NLRP1: variants seen among roughly 807,000 people sequenced by gnomAD.
NLRP1 encodes NLR family pyrin domain containing 1, also known as NACHT, LRR and PYD domains-containing protein 1.
A neutral mutation model predicts 136.7 loss-of-function variants in NLRP1; 94 were observed. The observed-to-expected ratio is 0.69, with a 90% CI of 0.58 to 0.82. NLRP1 has a LOEUF of 0.82. NLRP1 is among the 40% of genes least tolerant of loss of function. NLRP1 has a pLI of 0.00. For missense variants in NLRP1, 1,575 were observed against 1,802.7 expected, an observed-to-expected ratio of 0.87 and a Z score of 2.29; for synonymous variants, 690 against 725.1, an observed-to-expected ratio of 0.95 and a Z score of 0.78.
Position 5,583,824 on chromosome 17 carries a change from G to T in NLRP1, c.134C>A (p.Pro45Gln). ...CACCTCCATGCCACTCGTCTTCTCT[G>T]GCTGAGCGGGTGTCTCACCCGAAGA... ...RSSSGETPAQ[P>Q]EKTSGMEVAS... The change falls in exon 1 of 17, where the codon CCA becomes CAA. Residue 45 changes from proline (P) to glutamine (Q), a missense_variant. Physicochemically the swap from Pro to Gln is moderately conservative, Grantham distance 76. Coordinates refer to ENST00000572272, the MANE Select transcript of NLRP1 (RefSeq NM_033004.4). This position sits in a 1 kb window ranked among gnomAD's most constrained non-coding sequence, Gnocchi z 4.5. The T allele has an allele frequency of 6.4e-7, 1 of 1,563,976 alleles. No homozygotes were observed. Among genetic ancestry groups the T allele is most frequent in the Non-Finnish European group, 8.7e-7 (1 of 1,152,834 alleles).
intron 12 of NLRP1, among the ~76,000 whole-genome samples, chr17:5,524,792 T>G (rs933855235): frequency 2.0e-5 from 3 of 152,200 alleles, no homozygotes; most frequent in African/African-American, 7.2e-5. Context: ...GCCACTTGAA[T>G]TTTTGCTGAA....
chr17:5,537,081 AGGGTACAGT>A lies in NLRP1; in HGVS notation c.2871-150_2871-142del. The A allele has an allele frequency of 1.6e-6, 1 of 636,722 alleles. No homozygotes were observed. The highest frequency in any genetic ancestry group is 2.9e-6 in the Non-Finnish European group (1 of 349,336). The allele number at this position is 636,722 out of a possible 1,614,324, so 39.4% of individuals were successfully genotyped here. A position where few individuals can be genotyped will look rare whatever the true frequency, so the allele number is the denominator to read the frequency against. ...CCCTGGAAGCCAGGCTCTGAGGAGG[AGGGTACAGT>A]GAGGAGATTCATTAGGGTGTGTTCT... On this transcript the variant is annotated intron_variant, in intron 7 of 16. Coordinates refer to ENST00000572272, the MANE Select transcript of NLRP1 (RefSeq NM_033004.4). This position sits in a 1 kb window ranked among gnomAD's most constrained non-coding sequence, Gnocchi z 4.5.
chr17:5,532,947 C>G lies in NLRP1; in HGVS notation c.3171G>C (p.Leu1057Phe). Residue 1057 changes from leucine to phenylalanine, a missense_variant, in exon 11 of 17, where the codon TTG becomes TTC. Coordinates refer to ENST00000572272, the MANE Select transcript of NLRP1 (RefSeq NM_033004.4). ...CTTGAGAGGCAGGAGAAGGCACGCA[C>G]AAGAGTTCCACCGGTACTACCTCTG... ...SSPEVVPVEL[L>F]CVPSPASQGD... 2 of 1,613,962 alleles carry G rather than the reference C, an allele frequency of 1.2e-6. No homozygotes were observed. Among genetic ancestry groups the G allele is most frequent in the Non-Finnish European group, 1.7e-6 (2 of 1,179,908 alleles).
chr17:5,540,769 C>G (rs1443673804), intron 6 of NLRP1, among the ~76,000 whole-genome samples: 2 of 152,176 alleles, frequency 1.3e-5, no homozygotes, highest in Non-Finnish European at 2.9e-5. Flanking sequence ...TCCCATGCCC[C>G]CTTCCCATCA....
rs1414781435 is a variant in NLRP1, at chr17:5,521,746, A to C, written c.3561T>G (p.Phe1187Leu). Residue 1187 changes from phenylalanine (F) to leucine (L), a missense_variant, in exon 13 of 17, where the codon TTT becomes TTG. Coordinates refer to ENST00000572272, the MANE Select transcript of NLRP1 (RefSeq NM_033004.4). ...VDTSLFQMAH[F>L]KEEGMLLEKP... ...TCTCCAGGAGCATCCCCTCCTCTTT[A>C]AAGTGGGCCATTTGGAACAGGGATG... is the stretch of plus-strand genomic sequence containing the variant. 6.2e-7 allele frequency: 1 copy of C among 1,612,634 alleles called. No homozygotes were observed. Among genetic ancestry groups the C allele is most frequent in the Non-Finnish European group, 8.5e-7 (1 of 1,179,778 alleles).
chr17:5,515,402 C>G, intron 16 of NLRP1, 71 bp downstream of exon 16: 1 of 1,301,608 alleles, frequency 7.7e-7, no homozygotes, highest in Admixed American at 1.7e-5. Context: ...TTCTCTCTTC[C>G]CTTCCCCCAG....
In NLRP1 at chr17:5,537,983, A is replaced by G. The variant is rs1567644831; in HGVS notation, c.2871-1043T>C. Among the ~76,000 whole-genome samples, 1 of 152,248 alleles carries G rather than the reference A, an allele frequency of 6.6e-6. No homozygotes were observed. The highest frequency in any genetic ancestry group is 2.4e-5 in the African/African-American group (1 of 41,476). ...GGAGTTCCCATGGTTGTAGATAGCC[A>G]GTGTCAGCTACAGGAGAACCCAAAT... On this transcript the variant is annotated intron_variant, in intron 7 of 16. Transcript: ENST00000572272. The surrounding 1 kb of genome is among the most constrained non-coding windows in gnomAD (Gnocchi z 4.5).
At chr17:5,582,157 G>A (rs965695757) in intron 2 of NLRP1, 95 bp from the exon 3 acceptor site, 10 of 962,262 alleles carry the variant, frequency 1.0e-5, no homozygotes, top group East Asian at 5.2e-5. Context: ...CTGAGAGATG[G>A]GTCTTAATAA....
chr17:5,569,549 G>C (rs562647412), intron 3 of NLRP1, among the ~76,000 whole-genome samples: 1 of 152,076 alleles, frequency 6.6e-6, no homozygotes, highest in South Asian at 2.1e-4. Context: ...AATAATAAAG[G>C]GTTCAATTCA....
chr17:5,530,661 C>T lies in NLRP1; in HGVS notation c.3340G>A (p.Gly1114Ser). ...VAGSYRWPNT[G>S]LCFVMREAVT... ...GCTTCTCTCATCACAAAGCAGAGACCCGTGTTGGGCCAGCGGTAGGAGCCA... is the reference window on the plus strand; with the variant it reads ...GCTTCTCTCATCACAAAGCAGAGACTCGTGTTGGGCCAGCGGTAGGAGCCA... Residue 1114 changes from glycine to serine, a missense_variant, in exon 12 of 17, where the codon GGT becomes AGT. Transcript: ENST00000572272. 1 of 1,614,186 alleles carries T rather than the reference C, an allele frequency of 6.2e-7. No homozygotes were observed. The highest frequency in any genetic ancestry group is 1.6e-4 in the Middle Eastern group (1 of 6,062).
rs1300122250 is a variant in NLRP1, at chr17:5,504,611, C to T, written c.4070-2739G>A. 6.9e-6 allele frequency: 1 copy of T among 144,236 alleles called. No homozygotes were observed. The highest frequency in any genetic ancestry group is 1.5e-5 in the Non-Finnish European group (1 of 66,264). The allele number at this position is 144,236 out of a possible 1,614,324, so 8.9% of individuals were successfully genotyped here. On this transcript the variant is annotated intron_variant, in intron 15 of 15. Transcript: ENST00000262467. This position sits in a 1 kb window ranked among gnomAD's most constrained non-coding sequence, Gnocchi z 4.4. The stretch of plus-strand genomic sequence containing the variant: ...CACCAGCCTGGGTGATAGACTGAGA[C>T]TCTGTCTCAAAAAAATTAGAATAGA...
chr17:5,547,728 T>C (rs1291929093), intron 5 of NLRP1, among the ~76,000 whole-genome samples: 1 of 152,164 alleles, frequency 6.6e-6, no homozygotes, highest in Non-Finnish European at 1.5e-5. Context: ...GTGGTTCTCC[T>C]TGGATAGGTC....
rs199475701 is a variant in NLRP1 at position 5,558,780 on chromosome 17, T to A, written c.1916A>T (p.Asp639Val). The A allele has an allele frequency of 6.2e-7, 1 of 1,614,066 alleles. No homozygotes were observed. Among genetic ancestry groups the A allele is most frequent in the African/African-American group, 1.3e-5 (1 of 75,012 alleles). The change falls in exon 4 of 17, where the codon GAT becomes GTT. Residue 639 changes from aspartate (D) to valine (V), a missense_variant. By Grantham distance (152) the Asp-to-Val change is radical. Coordinates refer to ENST00000572272, the MANE Select transcript of NLRP1 (RefSeq NM_033004.4). ...AGAATGTTTACCTCTCCCCTTCTCA[T>A]CCTCCAAGACATAGGACATTGCTGC... ...FFAAMSYVLE[D>V]EKGRGKHSNC... is the part of the protein sequence containing the mutation.
intron 4 of NLRP1, among the ~76,000 whole-genome samples, chr17:5,555,033 A>T (rs1011782059): frequency 6.6e-6 from 1 of 151,656 alleles, no homozygotes; most frequent in Non-Finnish European, 1.5e-5. Context: ...ACACACACAC[A>T]CACACACACA....
intron 12 of NLRP1, 44 bp from the exon 13 acceptor site, chr17:5,521,830 A>G (rs373980590): frequency 2.6e-6 from 4 of 1,521,466 alleles, no homozygotes; most frequent in South Asian, 1.3e-5. Context: ...ATTTTTATTT[A>G]TTTATTTTGT....
In NLRP1 at chr17:5,533,904, G is replaced by T; in HGVS notation, c.3045C>A (p.Leu1015=). ...NSTSSLKRQR[L]GSERAASHVA... Reference sequence around the variant, plus strand: ...CTTGCCCCTTCAAACTACCTGATCCGAGTCTCTGCCGCTTGAGTGAGGATG... The same window carrying T: ...CTTGCCCCTTCAAACTACCTGATCCTAGTCTCTGCCGCTTGAGTGAGGATG... Residue 1015 remains leucine, a synonymous_variant, in exon 9 of 17, where the codon CTC becomes CTA. Coordinates refer to ENST00000572272, the MANE Select transcript of NLRP1 (RefSeq NM_033004.4). The T allele has an allele frequency of 6.2e-7, 1 of 1,609,106 alleles. No homozygotes were observed. Among genetic ancestry groups the T allele is most frequent in the Non-Finnish European group, 8.5e-7 (1 of 1,176,376 alleles).
rs1260563541 is a variant in NLRP1, at chr17:5,553,576, A to T, written c.2358-20T>A. 5.0e-6 allele frequency: 8 copies of T among 1,608,946 alleles called. No homozygotes were observed. Among genetic ancestry groups the T allele is most frequent in the African/African-American group, 1.3e-5 (1 of 74,882 alleles). On this transcript the variant is annotated intron_variant, in intron 4 of 16. Coordinates refer to ENST00000572272, the MANE Select transcript of NLRP1 (RefSeq NM_033004.4). ...CTGAACCTGAGGGGGAGAGAGAAGGACAGGAGAGATGTGATGTGTCTGGCA... is the reference window on the plus strand; with the variant it reads ...CTGAACCTGAGGGGGAGAGAGAAGGTCAGGAGAGATGTGATGTGTCTGGCA...
intron 3 of NLRP1, among the ~76,000 whole-genome samples, chr17:5,575,501 C>T (rs1597482997): frequency 1.3e-5 from 2 of 152,234 alleles, no homozygotes; most frequent in East Asian, 1.9e-4. Flanking sequence ...AGACTTTAAA[C>T]CAACAAAGAC....
At chr17:5,572,309 G>C (rs766888711) in intron 3 of NLRP1, among the ~76,000 whole-genome samples, 3 of 152,166 alleles carry the variant, frequency 2.0e-5, no homozygotes, top group Admixed American at 6.5e-5. Context: ...AAAGTAAATA[G>C]ACAACCCACA....
Sources: gnomAD v4.1 joint callset for allele counts (sites outside exome capture counted in the v4.1 genomes callset) on GRCh38, gnomAD v4.1.1 for gene constraint, Gnocchi (gnomAD v3.1) non-coding constraint, MANE v1.5 for transcripts, NCBI Gene and HGNC (gene_info 2026-07-23, HGNC 2026-07-21) for gene names.